Variants in CLSTN2 observed in about 807,000 individuals in gnomAD.
CLSTN2 encodes the protein calsyntenin 2.
CLSTN2 carries 48 observed loss-of-function variants against 101.2 expected under a neutral mutation model. The observed-to-expected ratio is 0.47, with a 90% CI of 0.38 to 0.60. CLSTN2 has a LOEUF of 0.60. Among genes scored for constraint, CLSTN2 ranks in the 20% least tolerant of loss-of-function variants. The pLI is 0.00. For missense variants in CLSTN2, 1,160 were observed against 1,238.2 expected (o/e 0.94, Z 0.95); for synonymous variants, 481 against 463.6 (o/e 1.04, Z -0.48).
Position 140,554,731 on chromosome 3 carries a change from C to A in CLSTN2, c.1675-1782C>A, listed in dbSNP as rs1442455301. ...ACCGTCAGTAAAAGATGACAAATAA[C>A]CCAAATGTCCATATTGGGAAACTGG... On this transcript the variant is annotated intron_variant, in intron 10 of 16. Transcript: ENST00000458420. Among the ~76,000 whole-genome samples, 4 of 152,158 alleles carry A rather than the reference C, an allele frequency of 2.6e-5. No individual in the cohort carries two copies. In the East Asian group the frequency reaches 7.7e-4, roughly 29 times the overall value.
intron 1 of CLSTN2, among the ~76,000 whole-genome samples, chr3:140,089,151 A>G (rs750192264): frequency 3.9e-5 from 6 of 152,290 alleles, no homozygotes; most frequent in Middle Eastern, 3.4e-3. Context: ...AAACAAGCTG[A>G]CTGAGACCTG....
At chr3:140,441,456 A>G (rs1042860433) in intron 5 of CLSTN2, among the ~76,000 whole-genome samples, 1 of 152,214 alleles carries the variant, frequency 6.6e-6, no homozygotes, top group Non-Finnish European at 1.5e-5. Context: ...CACATTTATC[A>G]TCTTACTTAG....
At chr3:140,484,326 G>A (rs1335159342) in intron 8 of CLSTN2, among the ~76,000 whole-genome samples, 3 of 152,220 alleles carry the variant, frequency 2.0e-5, no homozygotes, top group Non-Finnish European at 4.4e-5. Context: ...TTTCTGCCAA[G>A]AGATCAGCTG....
intron 2 of CLSTN2, among the ~76,000 whole-genome samples, chr3:140,351,252 G>A (rs1013513525): frequency 6.6e-5 from 10 of 152,140 alleles, no homozygotes; most frequent in Non-Finnish European, 1.5e-4. Flanking sequence ...GAAAGAACCA[G>A]CAGGATAACA....
At chr3:139,948,832 T>C (rs982559997) in intron 1 of CLSTN2, among the ~76,000 whole-genome samples, 7 of 152,196 alleles carry the variant, frequency 4.6e-5, no homozygotes, top group African/African-American at 1.4e-4. Context: ...CCTTGGCTTG[T>C]CTTAAAAGGC....
At chr3:140,542,012 G>T (rs1271975047) in intron 9 of CLSTN2, among the ~76,000 whole-genome samples, 2 of 151,942 alleles carry the variant, frequency 1.3e-5, no homozygotes, top group African/African-American at 2.4e-5. Context: ...AAACAACTAG[G>T]GAAAAATTAA....
chr3:140,135,117 C>CACACACATATATAT (rs1488268767), intron 1 of CLSTN2, among the ~76,000 whole-genome samples: 7 of 58,120 alleles, frequency 1.2e-4, no homozygotes, highest in East Asian at 4.5e-4. Flanking sequence ...CACACACACA[C>CACACACATATATAT]ATATATATAT....
chr3:140,240,303 T>C (rs200762218), intron 2 of CLSTN2, among the ~76,000 whole-genome samples: 4,691 of 141,662 alleles, frequency 0.033, 154 homozygotes, highest in African/African-American at 0.076. Context: ...CATATATATA[T>C]ATACACACAC....
intron 2 of CLSTN2, among the ~76,000 whole-genome samples, chr3:140,307,542 A>G (rs2087126588): frequency 6.6e-6 from 1 of 152,256 alleles, no homozygotes; most frequent in African/African-American, 2.4e-5. Context: ...TGTGGCATGT[A>G]GTAAATGCTG....
At chr3:140,468,729 G>T (rs561618484) in intron 8 of CLSTN2, among the ~76,000 whole-genome samples, 104 of 152,248 alleles carry the variant, frequency 6.8e-4, no homozygotes, top group African/African-American at 2.4e-3. Context: ...CTGCTGCTTT[G>T]GTGTGCCAGC....
intron 8 of CLSTN2, among the ~76,000 whole-genome samples, chr3:140,476,214 G>A (rs569587904): frequency 1.3e-5 from 2 of 152,300 alleles, no homozygotes; most frequent in East Asian, 3.9e-4. Flanking sequence ...AATATGTAAT[G>A]GCCAATTCGT....
chr3:139,987,005 A>C (rs1936036067), intron 1 of CLSTN2, among the ~76,000 whole-genome samples: 1 of 151,058 alleles, frequency 6.6e-6, no homozygotes, highest in Non-Finnish European at 1.5e-5. Flanking sequence ...TATATCATAC[A>C]TCCCTATTAT....
intron 8 of CLSTN2, among the ~76,000 whole-genome samples, chr3:140,505,354 A>G (rs538082242): frequency 3.3e-5 from 5 of 152,276 alleles, no homozygotes; most frequent in Admixed American, 2.6e-4. Flanking sequence ...CTGGGGCTCC[A>G]TTATAAATGC....
At chr3:140,049,245 C>T (rs1040022069) in intron 1 of CLSTN2, among the ~76,000 whole-genome samples, 4 of 152,224 alleles carry the variant, frequency 2.6e-5, no homozygotes, top group African/African-American at 9.6e-5. Flanking sequence ...CTGACTTCTT[C>T]GTCTTCCTGA....
chr3:140,384,228 C>CA (rs1433997609), intron 2 of CLSTN2, among the ~76,000 whole-genome samples: 4 of 152,232 alleles, frequency 2.6e-5, no homozygotes, highest in African/African-American at 2.4e-5. Context: ...TCATGGCTCA[C>CA]AGCCCAGGGA....
At chr3:140,384,128 A>G (rs1463181506) in intron 2 of CLSTN2, among the ~76,000 whole-genome samples, 1 of 152,210 alleles carries the variant, frequency 6.6e-6, no homozygotes, top group Non-Finnish European at 1.5e-5. Flanking sequence ...TAAAAGGTAC[A>G]TGAAAAGAAA....
chr3:140,525,638 A>G lies in CLSTN2; in HGVS notation c.1345-6686A>G, dbSNP rs1440688689. 2.6e-5 allele frequency among the ~76,000 whole-genome samples: 4 copies of G among 152,194 alleles called. No individual in the cohort carries two copies. In the East Asian group the frequency reaches 7.7e-4, roughly 29 times the overall value. On this transcript the variant is annotated intron_variant, in intron 8 of 16. Coordinates refer to ENST00000458420, the MANE Select transcript of CLSTN2 (RefSeq NM_022131.3). ...AGACACAACATAAAAAGAAAGCTTC[A>G]GGCCAATATCCATGATGAACATAGA...
intron 2 of CLSTN2, among the ~76,000 whole-genome samples, chr3:140,362,303 G>A (rs989446533): frequency 1.3e-5 from 2 of 151,952 alleles, no homozygotes; most frequent in African/African-American, 4.8e-5. Flanking sequence ...AAGACACAAA[G>A]ACTAAAAATG....
chr3:140,211,731 A>G (rs933108207), intron 2 of CLSTN2, among the ~76,000 whole-genome samples: 3 of 151,948 alleles, frequency 2.0e-5, no homozygotes, highest in African/African-American at 7.3e-5. Context: ...AAGAAACCTA[A>G]ATAACCCACC....
Sources: allele counts gnomAD v4.1 joint callset (sites outside exome capture counted in the v4.1 genomes callset), GRCh38; gene constraint gnomAD v4.1.1; transcripts MANE v1.5; gene names NCBI Gene and HGNC (gene_info 2026-07-23, HGNC 2026-07-21).